The following GABRA4 variants were observed in gnomAD, a reference collection of about 807,000 sequenced individuals.
GABRA4 encodes the protein gamma-aminobutyric acid type A receptor subunit alpha4.
A neutral mutation model predicts 49.7 loss-of-function variants in GABRA4; 12 were observed. The ratio of observed to expected loss-of-function variants is 0.24; its 90% CI spans 0.15 to 0.39. The LOEUF is 0.39. Ranked by LOEUF, GABRA4 falls within the 10% of genes least tolerant of loss-of-function variation. GABRA4 has a pLI of 1.00. For missense variants in GABRA4, 506 were observed against 686.0 expected (o/e 0.74, Z 2.93); for synonymous variants, 288 against 240.2 (o/e 1.20, Z -1.84).
chr4:46,980,190 A>C (rs1372717216), intron 2 of GABRA4, among the ~76,000 whole-genome samples: 1 of 152,108 alleles, frequency 6.6e-6, no homozygotes, highest in Non-Finnish European at 1.5e-5. Context: ...ACTATGCATA[A>C]TACAGCATTC....
intron 8 of GABRA4, among the ~76,000 whole-genome samples, chr4:46,932,229 A>G (rs1374681181): frequency 6.6e-6 from 1 of 152,100 alleles, no homozygotes; most frequent in Non-Finnish European, 1.5e-5. Context: ...ATCCCACTCT[A>G]TAAGAATTAC....
intron 8 of GABRA4, among the ~76,000 whole-genome samples, chr4:46,951,122 G>A (rs1237673697): frequency 1.3e-5 from 2 of 152,008 alleles, no homozygotes; most frequent in Admixed American, 6.6e-5. Context: ...GAGTTCCAAA[G>A]AAATTAGGTC....
intron 6 of GABRA4, among the ~76,000 whole-genome samples, chr4:46,973,880 CA>C (rs1723042084): frequency 6.6e-6 from 1 of 151,600 alleles, no homozygotes; most frequent in Admixed American, 6.6e-5. Context: ...TGGAAAGCCC[CA>C]CAAAAATCAT....
chr4:46,953,637 C>T (rs796656964), intron 8 of GABRA4, among the ~76,000 whole-genome samples: 11 of 152,124 alleles, frequency 7.2e-5, no homozygotes, highest in African/African-American at 2.7e-4. Flanking sequence ...TTGACAAAAT[C>T]CACATGTATT....
intron 8 of GABRA4, among the ~76,000 whole-genome samples, chr4:46,932,822 A>C (rs770214873): frequency 4.6e-5 from 7 of 152,120 alleles, no homozygotes; most frequent in African/African-American, 7.2e-5. Context: ...TTTTGAATCC[A>C]TTTTACCATC....
rs1160538425 is a variant in GABRA4, at chr4:46,922,403, A to C, written c.*5822T>G. ...CCCACCACTTCCCACACTGTAGTTCAGTAAATAGCTGGCTCTGCTCAGTGA... is the reference window on the plus strand; with the variant it reads ...CCCACCACTTCCCACACTGTAGTTCCGTAAATAGCTGGCTCTGCTCAGTGA... On this transcript the variant is annotated 3_prime_UTR_variant, in exon 9 of 9. Transcript: ENST00000264318. 6.6e-6 allele frequency: 1 copy of C among 152,154 alleles called. No homozygotes were observed. The highest frequency in any genetic ancestry group is 1.5e-5 in the Non-Finnish European group (1 of 68,034). 9.4% of individuals were successfully genotyped at this position (152,154 alleles called of 1,614,324 possible).
chr4:46,993,139 C>A (rs1049396595), intron 1 of GABRA4, among the ~76,000 whole-genome samples, 193 bp from the exon 2 acceptor site: 1 of 152,174 alleles, frequency 6.6e-6, no homozygotes, highest in African/African-American at 2.4e-5. Context: ...CCCCCAGTGC[C>A]CACACGCCTC....
At chr4:46,951,526 G>C (rs967004012) in intron 8 of GABRA4, among the ~76,000 whole-genome samples, 1 of 151,760 alleles carries the variant, frequency 6.6e-6, no homozygotes, top group African/African-American at 2.4e-5. Context: ...TGTAATTAAA[G>C]AGTTGACTTT....
At position 46,982,380 on chromosome 4, in the gene GABRA4, G is replaced by GAC. The variant is rs143405262; in HGVS notation, c.206-3284_206-3283dup. Among the ~76,000 whole-genome samples, 94 of 150,596 alleles carry GAC rather than the reference G, an allele frequency of 6.2e-4. No individual in the cohort carries two copies. In the Middle Eastern group the frequency reaches 0.014, roughly 22 times the overall value. ...TATCAGAAGTGTAGATTAGGACACA[G>GAC]ACACACACACACACACATAGCAGAG... On this transcript the variant is annotated intron_variant, in intron 2 of 8. Transcript: ENST00000264318.
At chr4:46,972,077 T>C (rs1438112663) in intron 6 of GABRA4, among the ~76,000 whole-genome samples, 3 of 151,614 alleles carry the variant, frequency 2.0e-5, no homozygotes, top group Non-Finnish European at 3.0e-5. Flanking sequence ...ACCAGATGTG[T>C]TCTAAATCCC....
rs1260286211 is a variant in GABRA4, at chr4:46,920,252, A to G, written c.*7973T>C. On this transcript the variant is annotated 3_prime_UTR_variant, in exon 9 of 9. Coordinates refer to ENST00000264318, the MANE Select transcript of GABRA4 (RefSeq NM_000809.4). ...ATAATTTGTATAGATACCCATGGAA[A>G]TCTATAGTTTGCATATTAATTTGCC... 2.6e-5 allele frequency: 4 copies of G among 151,728 alleles called. No individual in the cohort carries two copies. Among genetic ancestry groups the G allele is most frequent in the Admixed American group, 1.3e-4 (2 of 15,224 alleles). The allele number at this position is 151,728 out of a possible 1,614,324, so 9.4% of individuals were successfully genotyped here.
At chr4:46,970,475 C>A (rs543404631) in intron 7 of GABRA4, among the ~76,000 whole-genome samples, 5 of 151,454 alleles carry the variant, frequency 3.3e-5, no homozygotes, top group Admixed American at 2.0e-4. Flanking sequence ...AAATTGTAAA[C>A]TCATATGCTC....
At chr4:46,963,703 G>A (rs1030600375) in intron 8 of GABRA4, among the ~76,000 whole-genome samples, 6 of 151,830 alleles carry the variant, frequency 4.0e-5, no homozygotes, top group African/African-American at 1.4e-4. Flanking sequence ...ATAGGTAAAG[G>A]TGCTCAACAT....
chr4:46,929,705 A>T lies in GABRA4; in HGVS notation c.1135-950T>A, dbSNP rs149428320. On this transcript the variant is annotated intron_variant, in intron 8 of 8. Coordinates refer to ENST00000264318, the MANE Select transcript of GABRA4 (RefSeq NM_000809.4). ...CTGAAATACCCACGTCTGAGTTTTT[A>T]GAATATACTATTATATTTTTGCAGG... is the stretch of plus-strand genomic sequence containing the variant. Among the ~76,000 whole-genome samples the T allele has an allele frequency of 3.9e-3, 592 of 152,236 alleles. 6 individuals are homozygous for T. The highest frequency in any genetic ancestry group is 0.014 in the African/African-American group (576 of 41,568).
At chr4:46,974,737 C>T (rs966788501) in intron 5 of GABRA4, among the ~76,000 whole-genome samples, 2 of 151,910 alleles carry the variant, frequency 1.3e-5, no homozygotes, top group African/African-American at 4.8e-5. Flanking sequence ...CTCCCAAAGC[C>T]GTACTTCTAA....
rs941972880 is a variant in GABRA4, at chr4:46,923,594, G to A, written c.*4631C>T. Reference sequence around the variant, plus strand: ...TCATTGCGGTCAAAAAAAGAAAAAAGGAATAGAAGGCAAAGTTTAAGACAG... The same window carrying A: ...TCATTGCGGTCAAAAAAAGAAAAAAAGAATAGAAGGCAAAGTTTAAGACAG... On this transcript the variant is annotated 3_prime_UTR_variant, in exon 9 of 9. Transcript: ENST00000264318. 13 of 151,712 alleles carry A rather than the reference G, an allele frequency of 8.6e-5. 2 individuals carry two copies. The highest frequency in any genetic ancestry group is 1.3e-4 in the Admixed American group (2 of 15,218). The allele number at this position is 151,712 out of a possible 1,614,324, so 9.4% of individuals were successfully genotyped here. A position where few individuals can be genotyped will look rare whatever the true frequency, so the allele number is the denominator to read the frequency against.
At chr4:46,962,038 T>C (rs10023399) in intron 8 of GABRA4, among the ~76,000 whole-genome samples, 79,155 of 151,742 alleles carry the variant, frequency 0.52, 20,959 homozygotes, top group East Asian at 0.7. Flanking sequence ...CTTTCCACAT[T>C]GTCTTAGATC....
rs954834638 is a variant in GABRA4, at chr4:46,924,537, A to T, written c.*3688T>A. 6.6e-6 allele frequency: 1 copy of T among 152,084 alleles called. No individual in the cohort carries two copies. Among genetic ancestry groups the T allele is most frequent in the Admixed American group, 6.6e-5 (1 of 15,232 alleles). 9.4% of individuals were successfully genotyped at this position (152,084 alleles called of 1,614,324 possible). ...CAGTACCCAAACTGGGCAGGAGCCCATTTAGTGAATAAAAGCCCAGGAAAT... is the reference window on the plus strand; with the variant it reads ...CAGTACCCAAACTGGGCAGGAGCCCTTTTAGTGAATAAAAGCCCAGGAAAT... On this transcript the variant is annotated 3_prime_UTR_variant, in exon 9 of 9. Transcript: ENST00000264318.
At chr4:46,971,277 GGCAAT>G (rs749066967) in intron 6 of GABRA4, 42 bp from the exon 7 acceptor site, 12 of 1,582,242 alleles carry the variant, frequency 7.6e-6, no homozygotes, top group Middle Eastern at 3.4e-4. Context: ...CGGTTCTGCA[GGCAAT>G]TAGTCAATGG....
Sources: allele counts gnomAD v4.1 joint callset (sites outside exome capture counted in the v4.1 genomes callset), GRCh38; gene constraint gnomAD v4.1.1; transcripts MANE v1.5; gene names NCBI Gene and HGNC (gene_info 2026-07-23, HGNC 2026-07-21).